Variants in DLG2 observed in about 807,000 individuals in gnomAD.
The protein encoded by DLG2 is discs large MAGUK scaffold protein 2, also known as disks large homolog 2.
Under a neutral mutation model 132.5 loss-of-function variants are expected in DLG2, and 45 were observed. That is an observed-to-expected ratio of 0.34 (90% confidence interval 0.27 to 0.44). DLG2 has a LOEUF of 0.44. Ranked by LOEUF, DLG2 falls within the 20% of genes least tolerant of loss-of-function variation. The pLI is 1.00. For missense variants in DLG2, 1,045 were observed against 1,196.9 expected, an observed-to-expected ratio of 0.87 and a Z score of 1.87; for synonymous variants, 424 against 419.6, an observed-to-expected ratio of 1.01 and a Z score of -0.13.
In DLG2 at chr11:83,912,729, T is replaced by C. The variant is rs138745220; in HGVS notation, c.1496+17599A>G. Among the ~76,000 whole-genome samples, 860 of 152,258 alleles carry C rather than the reference T, an allele frequency of 5.6e-3. 8 individuals carry two copies. Among genetic ancestry groups the C allele is most frequent in the African/African-American group, 0.02 (815 of 41,558 alleles). On this transcript the variant is annotated intron_variant, in intron 15 of 27. Coordinates refer to ENST00000376104, the MANE Select transcript of DLG2 (RefSeq NM_001142699.3). ...ATGGGCAACCCGATACTGATATTTG[T>C]ATGTGTACATTGCAAAGTTCTTCTT...
chr11:83,689,982 ATATT>A (rs891885614), intron 18 of DLG2, among the ~76,000 whole-genome samples: 28 of 132,702 alleles, frequency 2.1e-4, no homozygotes, highest in African/African-American at 8.2e-4. Context: ...ATATTATAAT[ATATT>A]TATTATAATA....
At chr11:84,048,138 G>T (rs1030099107) in intron 11 of DLG2, among the ~76,000 whole-genome samples, 1 of 151,002 alleles carries the variant, frequency 6.6e-6, no homozygotes, top group Non-Finnish European at 1.5e-5. Flanking sequence ...CAAATATGGT[G>T]TCCTTCATTT....
At chr11:85,585,974 C>T (rs751960983) in intron 3 of DLG2, among the ~76,000 whole-genome samples, 3 of 152,184 alleles carry the variant, frequency 2.0e-5, no homozygotes, top group Non-Finnish European at 4.4e-5. Context: ...CTCTCAGCCT[C>T]TCAAAGTGCT....
At chr11:84,458,000 T>A (rs1178916931) in intron 7 of DLG2, among the ~76,000 whole-genome samples, 2 of 150,900 alleles carry the variant, frequency 1.3e-5, no homozygotes, top group Non-Finnish European at 3.0e-5. Flanking sequence ...TGCAAGCCTG[T>A]TATCTACGTA....
chr11:84,143,120 T>G (rs2094925676), intron 9 of DLG2, among the ~76,000 whole-genome samples: 1 of 152,188 alleles, frequency 6.6e-6, no homozygotes, highest in African/African-American at 2.4e-5. Flanking sequence ...ACGTTGAGCA[T>G]CTACCTTGTG....
At chr11:84,589,394 A>G (rs955386492) in intron 6 of DLG2, among the ~76,000 whole-genome samples, 3 of 152,256 alleles carry the variant, frequency 2.0e-5, no homozygotes, top group East Asian at 3.9e-4. Flanking sequence ...TTCTGTCTCC[A>G]TGAAAATCAG....
At chr11:85,498,080 T>G (rs2093709439) in intron 3 of DLG2, among the ~76,000 whole-genome samples, 1 of 152,214 alleles carries the variant, frequency 6.6e-6, no homozygotes, top group African/African-American at 2.4e-5. Context: ...CACATGACAT[T>G]ATTAACCTTA....
At chr11:84,699,093 T>C (rs1434671763) in intron 6 of DLG2, among the ~76,000 whole-genome samples, 1 of 151,514 alleles carries the variant, frequency 6.6e-6, no homozygotes, top group African/African-American at 2.4e-5. Flanking sequence ...TGCCCAGTAT[T>C]CAAAATCCCC....
intron 6 of DLG2, among the ~76,000 whole-genome samples, chr11:84,705,281 A>C (rs1304911299): frequency 6.6e-6 from 1 of 151,688 alleles, no homozygotes; most frequent in East Asian, 1.9e-4. Context: ...CTTCCCCTGG[A>C]CTATCTCATG....
In DLG2 at chr11:83,980,496, TC is replaced by T. The variant is rs755419145; in HGVS notation, c.1056+9del. 3.5e-5 allele frequency: 57 copies of T among 1,609,308 alleles called. No individual in the cohort carries two copies. The African/African-American group carries it at 7.2e-4, about 20-fold the overall frequency. On this transcript the variant is annotated intron_variant, in intron 12 of 27. Coordinates refer to ENST00000376104, the MANE Select transcript of DLG2 (RefSeq NM_001142699.3). Reference sequence around the variant, plus strand: ...AAATATACACACAGTTTTGCTGGAGTCACACTCACCATTAGTAGTCTATCTC... The same window carrying T: ...AAATATACACACAGTTTTGCTGGAGTACACTCACCATTAGTAGTCTATCTC...
intron 6 of DLG2, among the ~76,000 whole-genome samples, chr11:85,053,803 A>G (rs1157249545): frequency 6.6e-6 from 1 of 150,728 alleles, no homozygotes; most frequent in African/African-American, 2.4e-5. Context: ...TCTCAAAAAA[A>G]AAAAAAAAAA....
intron 3 of DLG2, among the ~76,000 whole-genome samples, chr11:85,436,177 T>C (rs769888496): frequency 5.9e-5 from 9 of 152,180 alleles, no homozygotes; most frequent in Non-Finnish European, 1.2e-4. Flanking sequence ...GATTAAAGAC[T>C]TAAATCTGAA....
intron 3 of DLG2, among the ~76,000 whole-genome samples, chr11:85,429,598 C>T (rs562599222): frequency 2.0e-4 from 30 of 152,244 alleles, no homozygotes; most frequent in African/African-American, 6.7e-4. Context: ...CCAAAAGACA[C>T]ATAAAAAAAT....
intron 2 of DLG2, among the ~76,000 whole-genome samples, chr11:85,599,264 C>T (rs1052936510): frequency 6.6e-5 from 10 of 152,182 alleles, no homozygotes; most frequent in Middle Eastern, 3.4e-3. Context: ...TTCCATTTTC[C>T]TCTACACGCA....
intron 3 of DLG2, among the ~76,000 whole-genome samples, chr11:85,430,317 C>T (rs556468649): frequency 9.3e-5 from 14 of 150,148 alleles, no homozygotes; most frequent in South Asian, 2.1e-4. Context: ...CTAACCTGCG[C>T]GTTGTGCACA....
At chr11:84,031,461 G>C (rs533668817) in intron 11 of DLG2, among the ~76,000 whole-genome samples, 1 of 152,242 alleles carries the variant, frequency 6.6e-6, no homozygotes, top group South Asian at 2.1e-4. Flanking sequence ...ATCTGCCTGA[G>C]ATTGTATCAA....
chr11:85,530,895 C>T (rs868040649), intron 3 of DLG2, among the ~76,000 whole-genome samples: 4 of 152,140 alleles, frequency 2.6e-5, no homozygotes, highest in African/African-American at 7.2e-5. Context: ...ACTTTCAAAG[C>T]CACTTACTTT....
chr11:85,398,976 G>A (rs190090044), intron 3 of DLG2, among the ~76,000 whole-genome samples: 2 of 152,148 alleles, frequency 1.3e-5, no homozygotes, highest in South Asian at 4.1e-4. Flanking sequence ...ATTAGGAAAA[G>A]AGGAAGTCAA....
intron 6 of DLG2, among the ~76,000 whole-genome samples, chr11:84,933,771 T>C (rs904445481): frequency 6.6e-6 from 1 of 152,212 alleles, no homozygotes; most frequent in Non-Finnish European, 1.5e-5. Context: ...GCTGAGACTA[T>C]GGGGTTTTCT....
Sources: gnomAD v4.1 joint callset for allele counts (sites outside exome capture counted in the v4.1 genomes callset) on GRCh38, gnomAD v4.1.1 for gene constraint, MANE v1.5 for transcripts, NCBI Gene and HGNC (gene_info 2026-07-23, HGNC 2026-07-21) for gene names.